Variants in MRPL9 observed in about 807,000 individuals in gnomAD.
MRPL9 encodes mitochondrial ribosomal protein L9.
A neutral mutation model predicts 27.6 loss-of-function variants in MRPL9; 25 were observed. The observed-to-expected ratio is 0.91, with a 90% confidence interval of 0.66 to 1.27. The LOEUF is 1.27. Ranked by LOEUF, MRPL9 falls within the 50% of genes most tolerant of loss-of-function variation. The pLI, the probability that MRPL9 is intolerant of heterozygous loss-of-function variation, is 0.00. For synonymous variants in MRPL9, 154 were observed against 139.0 expected (o/e 1.11, Z -0.76); for missense variants, 362 against 338.0 (o/e 1.07, Z -0.56).
In MRPL9 at chr1:151,763,462, G is replaced by T; in HGVS notation, c.18C>A (p.Val6=). MAAPV[V]TAPGRALLRA... is the part of the protein sequence containing the mutation. ...GCAGCAGAGCTCTGCCCGGGGCCGTGACAACGGGCGCCGCCATGTTCACAG... is the reference window on the plus strand; with the variant it reads ...GCAGCAGAGCTCTGCCCGGGGCCGTTACAACGGGCGCCGCCATGTTCACAG... Residue 6 remains valine (V), a synonymous_variant, in exon 1 of 7, where the codon GTC becomes GTA. Transcript: ENST00000368830. 1 of 1,574,660 alleles carries T rather than the reference G, an allele frequency of 6.4e-7. No individual in the cohort carries two copies. The highest frequency in any genetic ancestry group is 2.3e-5 in the East Asian group (1 of 42,960).
rs1251042419 is a variant in MRPL9, at chr1:151,760,914, A to AT, written c.589-16_589-15insA. ...ACAACACCAAGCTGCAAAAAAAAAA[A>AT]AAAAAAAAAAAATCTCAGCTCAAAT... On this transcript the variant is annotated splice_polypyrimidine_tract_variant and intron_variant, in intron 5 of 6. Transcript: ENST00000368830. 10 of 1,550,318 alleles carry AT rather than the reference A, an allele frequency of 6.5e-6. No individual in the cohort carries two copies. In the African/African-American group the frequency reaches 1.1e-4, roughly 18 times the overall value.
rs1558129289 is a variant in MRPL9 at position 151,763,410 on chromosome 1, C to CCCGAAGCAG, written c.61_69dup (p.Leu21_Arg23dup). ...GGCCGCAGTAGCTCCTGGACGCCTC[C>CCCGAAGCAG]CCGAAGCAGCCGTCCAGCGCCCGCC... On this transcript the variant is annotated inframe_insertion, in exon 1 of 7. Coordinates refer to ENST00000368830, the MANE Select transcript of MRPL9 (RefSeq NM_031420.4). The CCCGAAGCAG allele has an allele frequency of 1.3e-6, 2 of 1,564,954 alleles. No homozygotes were observed. The highest frequency in any genetic ancestry group is 3.8e-5 in the Admixed American group (2 of 52,928).
rs188019474 is a variant in MRPL9 at position 151,761,547 on chromosome 1, C to T, written c.492G>A (p.Val164=). Residue 164 remains valine (V), a synonymous_variant, in exon 5 of 7, where the codon GTG becomes GTA. Coordinates refer to ENST00000368830, the MANE Select transcript of MRPL9 (RefSeq NM_031420.4). The stretch of plus-strand genomic sequence containing the variant: ...CCAGGCGACAGCTTTTTAGAAATTT[C>T]ACTGTCTGAAAGGAATTATGAGTTT... ...KIQTKAGEAT[V]KFLKSCRLEV... 1.7e-4 allele frequency: 273 copies of T among 1,609,356 alleles called. No individual in the cohort carries two copies. The highest frequency in any genetic ancestry group is 2.1e-4 in the Non-Finnish European group (245 of 1,176,192).
chr1:151,761,166 A>C (rs530832538), intron 5 of MRPL9, among the ~76,000 whole-genome samples: 1 of 152,330 alleles, frequency 6.6e-6, no homozygotes, highest in East Asian at 1.9e-4. Context: ...CTTCATCCAC[A>C]AAAGTAACAA....
In MRPL9 at chr1:151,763,070, TGTCGCC is replaced by T; in HGVS notation, c.224_229del (p.Arg75_Arg76del). ...GTCCTCCACCAGCTTATAGACGCGA[TGTCGCC>T]GGTGCAGGCGCGGCTTCCGGCCCTC... On this transcript the variant is annotated inframe_deletion, in exon 2 of 7. Coordinates refer to ENST00000368830, the MANE Select transcript of MRPL9 (RefSeq NM_031420.4). 1 of 1,614,156 alleles carries T rather than the reference TGTCGCC, an allele frequency of 6.2e-7. No individual in the cohort carries two copies. Among genetic ancestry groups the T allele is most frequent in the Non-Finnish European group, 8.5e-7 (1 of 1,180,002 alleles).
At position 151,760,903 on chromosome 1, in the gene MRPL9, CAAAAA is replaced by C. The variant is rs755031728; in HGVS notation, c.589-9_589-5del. 850 of 951,064 alleles carry C rather than the reference CAAAAA, an allele frequency of 8.9e-4. No individual in the cohort carries two copies. Among genetic ancestry groups the C allele is most frequent in the South Asian group, 1.5e-3 (70 of 45,238 alleles). The allele number at this position is 951,064 out of a possible 1,614,324, so 58.9% of individuals were successfully genotyped here. Reference sequence around the variant, plus strand: ...GTGGGGCAACCACAACACCAAGCTGCAAAAAAAAAAAAAAAAAAAAAAATCTCAGC... The same window carrying C: ...GTGGGGCAACCACAACACCAAGCTGCAAAAAAAAAAAAAAAAAATCTCAGC... On this transcript the variant is annotated splice_polypyrimidine_tract_variant and splice_region_variant and intron_variant, in intron 5 of 6. Transcript: ENST00000368830.
In MRPL9 at chr1:151,760,124, TG is replaced by T; in HGVS notation, c.729del (p.Lys244ArgfsTer9). ...AACCAGTACTTATATCTTTTGGTCTTGGGCTTCTCAAAGTTCACGACAGACA... is the reference window on the plus strand; with the variant it reads ...AACCAGTACTTATATCTTTTGGTCTTGGCTTCTCAAAGTTCACGACAGACA... ...VPMSVVNFEK[P>X]KTKRYKYWLA... is the part of the protein sequence containing the mutation. On this transcript the variant is annotated frameshift_variant, in exon 7 of 7. Coordinates refer to ENST00000368830, the MANE Select transcript of MRPL9 (RefSeq NM_031420.4). LOFTEE classifies it low-confidence loss of function (END_TRUNC). 2 of 1,614,202 alleles carry T rather than the reference TG, an allele frequency of 1.2e-6. No individual in the cohort carries two copies. The highest frequency in any genetic ancestry group is 1.1e-5 in the South Asian group (1 of 91,084).
At position 151,760,918 on chromosome 1, in the gene MRPL9, A is replaced by AT. The variant is rs755152513; in HGVS notation, c.589-20_589-19insA. 4.2e-4 allele frequency: 650 copies of AT among 1,552,232 alleles called. 3 individuals carry two copies. In the African/African-American group the frequency reaches 8.1e-3, roughly 19 times the overall value. On this transcript the variant is annotated intron_variant, in intron 5 of 6. Coordinates refer to ENST00000368830, the MANE Select transcript of MRPL9 (RefSeq NM_031420.4). ...CACCAAGCTGCAAAAAAAAAAAAAA[A>AT]AAAAAAAATCTCAGCTCAAATGAAC... is the stretch of plus-strand genomic sequence containing the variant.
Position 151,763,065 on chromosome 1 carries a change from C to A in MRPL9, c.235G>T (p.Val79Phe). 6.2e-7 allele frequency: 1 copy of A among 1,614,140 alleles called. No homozygotes were observed. Among genetic ancestry groups the A allele is most frequent in the Non-Finnish European group, 8.5e-7 (1 of 1,180,002 alleles). The change falls in exon 2 of 7, where the codon GTC becomes TTC. Residue 79 changes from valine (V) to phenylalanine (F), a missense_variant. Physicochemically the swap from Val to Phe is conservative, Grantham distance 50. Transcript: ENST00000368830. ...RKPRLHRRHR[V>F]YKLVEDTKHR... is the part of the protein sequence containing the mutation. Reference sequence around the variant, plus strand: ...TTCGTGTCCTCCACCAGCTTATAGACGCGATGTCGCCGGTGCAGGCGCGGC... The same window carrying A: ...TTCGTGTCCTCCACCAGCTTATAGAAGCGATGTCGCCGGTGCAGGCGCGGC...
chr1:151,761,382 TCC>T, intron 5 of MRPL9, 67 bp downstream of exon 5: 1 of 1,078,638 alleles, frequency 9.3e-7, no homozygotes, highest in Non-Finnish European at 1.4e-6. Flanking sequence ...AAGGGATCAA[TCC>T]CAGGCCTCCT....
chr1:151,761,057 G>A (rs1357078929), intron 5 of MRPL9, 158 bp from the exon 6 acceptor site: 3 of 619,914 alleles, frequency 4.8e-6, no homozygotes, highest in Non-Finnish European at 8.1e-6. Context: ...GGGAGAGAAG[G>A]GCATACACCT....
In MRPL9 at chr1:151,761,983, A is replaced by G; in HGVS notation, c.486+122T>C. 4.0e-6 allele frequency: 4 copies of G among 989,894 alleles called. No homozygotes were observed. In the South Asian group the frequency reaches 5.4e-5, roughly 13 times the overall value. 61.3% of individuals were successfully genotyped at this position (989,894 alleles called of 1,614,324 possible). On this transcript the variant is annotated intron_variant, in intron 4 of 6. Transcript: ENST00000368830. ...ATACCTGTTTTGTGGGGCAGCCACA[A>G]CACTTCCCCTTTCTCCCACTCTTGG...
Position 151,761,434 on chromosome 1 carries a change from T to G in MRPL9, c.588+17A>C, listed in dbSNP as rs1187980839. 2.5e-6 allele frequency: 4 copies of G among 1,594,190 alleles called. No homozygotes were observed. The highest frequency in any genetic ancestry group is 1.3e-5 in the African/African-American group (1 of 74,482). ...TCCACCTCAGGGGTAGAGTGGTTTTTGGGAACACTCACTCACATTCTTAAA... is the reference window on the plus strand; with the variant it reads ...TCCACCTCAGGGGTAGAGTGGTTTTGGGGAACACTCACTCACATTCTTAAA... On this transcript the variant is annotated intron_variant, in intron 5 of 6. Coordinates refer to ENST00000368830, the MANE Select transcript of MRPL9 (RefSeq NM_031420.4).
chr1:151,761,856 A>T (rs914568993), intron 4 of MRPL9: 1 of 596,082 alleles, frequency 1.7e-6, no homozygotes, highest in Admixed American at 3.0e-5. Flanking sequence ...CAGAGCCCTC[A>T]TCTCAGACTA....
intron 2 of MRPL9, 74 bp from the exon 3 acceptor site, chr1:151,762,574 G>A (rs1213532971): frequency 1.4e-6 from 2 of 1,473,778 alleles, no homozygotes; most frequent in Middle Eastern, 1.9e-4. Flanking sequence ...AAAAAGAGAA[G>A]CACCTCTTAG....
At chr1:151,761,678 A>C in intron 4 of MRPL9, 126 bp from the exon 5 acceptor site, 1 of 666,452 alleles carries the variant, frequency 1.5e-6, no homozygotes, top group East Asian at 2.8e-5. Context: ...GGGTCTCCCA[A>C]AGTGGGTCAC....
rs1369995255 is a variant in MRPL9 at position 151,760,172 on chromosome 1, G to A, written c.682C>T (p.Leu228Phe). Reference protein sequence around the residue: ...EYWCEVTVNGLDTVRVPMSVV... With the variant: ...EYWCEVTVNGFDTVRVPMSVV... Reference sequence around the variant, plus strand: ...GACATAGGCACTCTCACAGTATCAAGCCCATTTACCTGCACACAAAACAAT... The same window carrying A: ...GACATAGGCACTCTCACAGTATCAAACCCATTTACCTGCACACAAAACAAT... Residue 228 changes from leucine to phenylalanine, a missense_variant, in exon 7 of 7, where the codon CTT becomes TTT. Transcript: ENST00000368830. 3 of 1,614,112 alleles carry A rather than the reference G, an allele frequency of 1.9e-6. No individual in the cohort carries two copies. The highest frequency in any genetic ancestry group is 1.7e-5 in the Admixed American group (1 of 60,010).
At chr1:151,761,328 T>C (rs1220733073) in intron 5 of MRPL9, 123 bp downstream of exon 5, 1 of 730,804 alleles carries the variant, frequency 1.4e-6, no homozygotes, top group Non-Finnish European at 2.4e-6. Flanking sequence ...TAACCAAGAA[T>C]ACTTTCCTTA....
chr1:151,760,849 G>C lies in MRPL9; in HGVS notation c.639C>G (p.Ile213Met). ...CACACCAATACTCGCCCCACCGTGTGATAGGCTCTTCTGGTAACTTTAATG... is the reference window on the plus strand; with the variant it reads ...CACACCAATACTCGCCCCACCGTGTCATAGGCTCTTCTGGTAACTTTAATG... The part of the protein sequence containing the change: ...PHTLKLPEEP[I>M]TRWGEYWCEV... Residue 213 changes from isoleucine to methionine, a missense_variant, in exon 6 of 7, where the codon ATC (isoleucine) becomes ATG (methionine). Physicochemically the swap from Ile to Met is conservative, Grantham distance 10. Transcript: ENST00000368830. 6.4e-7 allele frequency: 1 copy of C among 1,568,258 alleles called. No individual in the cohort carries two copies. Among genetic ancestry groups the C allele is most frequent in the Non-Finnish European group, 8.6e-7 (1 of 1,159,944 alleles).
Sources: gnomAD v4.1 joint callset for allele counts (sites outside exome capture counted in the v4.1 genomes callset) on GRCh38, gnomAD v4.1.1 for gene constraint, MANE v1.5 for transcripts, NCBI Gene and HGNC (gene_info 2026-07-23, HGNC 2026-07-21) for gene names.